The following DMD variants were observed in gnomAD, a reference collection of about 807,000 sequenced individuals.
DMD encodes mutant dystrophin.
In DMD, 63 loss-of-function variants were observed where a neutral mutation model predicts 330.1. That is an observed-to-expected ratio of 0.19 (90% CI 0.16 to 0.24). The LOEUF (loss-of-function observed/expected upper bound fraction) is 0.24, where lower values mean the gene tolerates loss of function less well. Ranked by LOEUF, DMD falls within the 10% of genes least tolerant of loss-of-function variation. The pLI, the probability that DMD is intolerant of heterozygous loss-of-function variation, is 1.00. For synonymous variants in DMD, 1,223 were observed against 959.8 expected, an observed-to-expected ratio of 1.27 and a Z score of -5.07; for missense variants, 3,344 against 2,684.1, an observed-to-expected ratio of 1.25 and a Z score of -5.43.
At chrX:32,805,052 C>A (rs1463953716) in intron 7 of DMD, among the ~76,000 whole-genome samples, 1 of 111,841 alleles carries the variant, frequency 8.9e-6, no homozygotes, top group Non-Finnish European at 1.9e-5. Context: ...CAGAACACCT[C>A]TTCTCCTCCA....
intron 6 of DMD, among the ~76,000 whole-genome samples, chrX:32,811,876 A>T (rs2148770642): frequency 8.9e-6 from 1 of 112,143 alleles, no homozygotes; most frequent in South Asian, 3.7e-4. Flanking sequence ...ATAGAATTCT[A>T]AGTTGTGTGA....
At chrX:31,307,562 T>C (rs1402078055) in intron 62 of DMD, among the ~76,000 whole-genome samples, 1 of 109,708 alleles carries the variant, frequency 9.1e-6, no homozygotes, top group African/African-American at 3.3e-5. Flanking sequence ...ATAAAGCACC[T>C]TTAAAACGAT....
At position 32,424,870 on chromosome X, in the gene DMD, T is replaced by C. The variant is rs747440341; in HGVS notation, c.4072-12957A>G. On this transcript the variant is annotated intron_variant, in intron 29 of 78. Transcript: ENST00000357033. ...CAGATGAATGACTTGCAAATATGAA[T>C]ATAGTTGGAAGAAGATACTTCAGAC... 2.9e-3 allele frequency among the ~76,000 whole-genome samples: 318 copies of C among 110,227 alleles called. 5 individuals are homozygous for C. Among genetic ancestry groups the C allele is most frequent in the Admixed American group, 1.7e-3 (18 of 10,314 alleles).
intron 35 of DMD, 94 bp from the exon 36 acceptor site, chrX:32,364,804 A>G: frequency 3.0e-6 from 3 of 1,009,416 alleles, no homozygotes; most frequent in East Asian, 3.1e-5. Context: ...AGACAACAAT[A>G]AAGTTTCATT....
intron 51 of DMD, among the ~76,000 whole-genome samples, chrX:31,752,180 C>T (rs916650934): frequency 2.7e-5 from 3 of 112,142 alleles, no homozygotes; most frequent in African/African-American, 9.7e-5. Flanking sequence ...AATACAAAGC[C>T]TTTTGCCATG....
intron 42 of DMD, among the ~76,000 whole-genome samples, chrX:32,309,439 A>T (rs1002292192): frequency 9.0e-6 from 1 of 111,284 alleles, no homozygotes; most frequent in Non-Finnish European, 1.9e-5. Context: ...TTGATCCTAC[A>T]TTCATTTATC....
chrX:31,608,917 G>A (rs756397251), intron 55 of DMD, among the ~76,000 whole-genome samples: 1 of 111,715 alleles, frequency 9.0e-6, no homozygotes, highest in Admixed American at 9.5e-5. Flanking sequence ...GAAGAAATGG[G>A]ATTAATGATT....
chrX:31,375,073 T>G (rs918366342), intron 60 of DMD, among the ~76,000 whole-genome samples: 2 of 111,722 alleles, frequency 1.8e-5, no homozygotes. Context: ...ATTAACTCAT[T>G]TATGCCTAGT....
intron 1 of DMD, among the ~76,000 whole-genome samples, chrX:33,323,369 T>A (rs1487013676): frequency 9.0e-6 from 1 of 111,703 alleles, no homozygotes; most frequent in Non-Finnish European, 1.9e-5. Context: ...GCTTTCTAGC[T>A]GAGGATGAGT....
intron 7 of DMD, among the ~76,000 whole-genome samples, chrX:32,714,376 A>G: frequency 9.0e-6 from 1 of 111,540 alleles, no homozygotes; most frequent in Non-Finnish European, 1.9e-5. Context: ...CTGTATGTCC[A>G]TGTGTACCCA....
At chrX:32,017,506 A>G (rs1215365264) in intron 44 of DMD, among the ~76,000 whole-genome samples, 1 of 112,180 alleles carries the variant, frequency 8.9e-6, no homozygotes, top group East Asian at 2.8e-4. Context: ...GGGATGGGAA[A>G]AGAACCCTGT....
intron 2 of DMD, among the ~76,000 whole-genome samples, chrX:33,013,058 T>C (rs1437550832): frequency 1.8e-5 from 2 of 110,803 alleles, no homozygotes; most frequent in Admixed American, 9.7e-5. Context: ...CTGCTTCTCA[T>C]AGGACTTATC....
At chrX:33,171,723 G>T (rs2049357219) in intron 1 of DMD, among the ~76,000 whole-genome samples, 1 of 111,601 alleles carries the variant, frequency 9.0e-6, no homozygotes, top group African/African-American at 3.2e-5. Flanking sequence ...AGAGTGGTCA[G>T]ATATACTTTT....
chrX:32,751,243 G>C (rs776533689), intron 7 of DMD, among the ~76,000 whole-genome samples: 24 of 111,441 alleles, frequency 2.2e-4, no homozygotes, highest in Admixed American at 1.6e-3. Flanking sequence ...ATGTGGGAAA[G>C]TTTGGGACTT....
chrX:32,634,510 C>A (rs987122174), intron 11 of DMD, among the ~76,000 whole-genome samples: 1 of 112,217 alleles, frequency 8.9e-6, no homozygotes, highest in Admixed American at 9.4e-5. Flanking sequence ...CTGGCTACAG[C>A]TGCTGATTAT....
intron 7 of DMD, among the ~76,000 whole-genome samples, chrX:32,779,504 T>A: frequency 9.1e-6 from 1 of 110,272 alleles, no homozygotes; most frequent in Middle Eastern, 4.6e-3. Flanking sequence ...GAAACTAAAT[T>A]ATTTTTAGAT....
chrX:31,688,664 A>C (rs1429972723), intron 52 of DMD, among the ~76,000 whole-genome samples: 20 of 111,323 alleles, frequency 1.8e-4, no homozygotes, highest in Non-Finnish European at 3.0e-4. Context: ...GAGACACAAC[A>C]AAAAAAGAGA....
chrX:32,887,576 C>T (rs1449348422), intron 2 of DMD, among the ~76,000 whole-genome samples: 7 of 104,668 alleles, frequency 6.7e-5, no homozygotes, highest in African/African-American at 1.7e-4. Flanking sequence ...GGCGAAACCC[C>T]GTCTCTACTA....
intron 49 of DMD, among the ~76,000 whole-genome samples, chrX:31,826,048 G>A (rs1028315851): frequency 3.6e-5 from 4 of 111,987 alleles, no homozygotes; most frequent in East Asian, 2.8e-4. Flanking sequence ...AAATAGTTAC[G>A]ATAAAATTTT....
Sources: gnomAD v4.1 joint callset for allele counts (sites outside exome capture counted in the v4.1 genomes callset) on GRCh38, gnomAD v4.1.1 for gene constraint, MANE v1.5 for transcripts, NCBI Gene and HGNC (gene_info 2026-07-23, HGNC 2026-07-21) for gene names.